Variants in AGBL4 observed in about 807,000 individuals in gnomAD.
AGBL4 encodes the protein cytosolic carboxypeptidase 6.
A neutral mutation model predicts 66.4 loss-of-function variants in AGBL4; 58 were observed. That is an observed-to-expected ratio of 0.87 (90% CI 0.71 to 1.09). The LOEUF (loss-of-function observed/expected upper bound fraction) is 1.09, where lower values mean the gene tolerates loss of function less well. AGBL4 is among the 50% of genes least tolerant of loss of function. The pLI, the probability that AGBL4 is intolerant of heterozygous loss-of-function variation, is 0.00. For synonymous variants in AGBL4, 234 were observed against 222.9 expected (o/e 1.05, Z -0.44); for missense variants, 579 against 631.0 (o/e 0.92, Z 0.88).
rs140719025 is a variant in AGBL4, at chr1:49,499,605, A to G, written c.282+197708T>C. ...TTAGTTCCCACTTATAAGTGAGAAC[A>G]TATGATATCTGGTTTTCCATTATTT... On this transcript the variant is annotated intron_variant, in intron 3 of 13. Transcript: ENST00000371839. 8.6e-3 allele frequency among the ~76,000 whole-genome samples: 1,301 copies of G among 151,896 alleles called. 23 individuals are homozygous for G. Among genetic ancestry groups the G allele is most frequent in the Middle Eastern group, 0.034 (10 of 294 alleles).
chr1:48,891,374 A>G (rs1296855885), intron 5 of AGBL4, among the ~76,000 whole-genome samples: 2 of 152,188 alleles, frequency 1.3e-5, no homozygotes, highest in African/African-American at 2.4e-5. Context: ...AAAAATGACA[A>G]GAACCCAGTC....
chr1:48,754,462 A>C (rs147063155), intron 6 of AGBL4, among the ~76,000 whole-genome samples: 12 of 152,340 alleles, frequency 7.9e-5, no homozygotes, highest in Non-Finnish European at 1.6e-4. Context: ...GAATAAAATA[A>C]ATAATGAATG....
chr1:49,628,823 C>T (rs752980071), intron 3 of AGBL4, among the ~76,000 whole-genome samples: 17 of 152,166 alleles, frequency 1.1e-4, no homozygotes, highest in Non-Finnish European at 2.2e-4. Flanking sequence ...TACTGACCCT[C>T]TTCTCTCAAA....
At chr1:49,863,168 G>A (rs543116415) in intron 1 of AGBL4, among the ~76,000 whole-genome samples, 2 of 152,188 alleles carry the variant, frequency 1.3e-5, no homozygotes, top group African/African-American at 4.8e-5. Flanking sequence ...TGACAAAGGT[G>A]CCAAGAACAT....
At chr1:49,566,974 G>A (rs901296839) in intron 3 of AGBL4, among the ~76,000 whole-genome samples, 2 of 152,166 alleles carry the variant, frequency 1.3e-5, no homozygotes, top group African/African-American at 4.8e-5. Flanking sequence ...CGGCTGCTTT[G>A]TTTACCTACT....
chr1:49,856,479 C>T (rs1180202701), intron 1 of AGBL4, among the ~76,000 whole-genome samples: 1 of 151,940 alleles, frequency 6.6e-6, no homozygotes, highest in East Asian at 1.9e-4. Flanking sequence ...AAATTATCAA[C>T]AAAATATTAG....
intron 2 of AGBL4, among the ~76,000 whole-genome samples, chr1:49,710,682 A>C (rs1231082153): frequency 1.3e-5 from 2 of 151,762 alleles, no homozygotes; most frequent in African/African-American, 4.8e-5. Context: ...GATTTCTTAG[A>C]AAGAACATAA....
chr1:48,646,188 C>T (rs1212980347), intron 8 of AGBL4, among the ~76,000 whole-genome samples: 1 of 152,034 alleles, frequency 6.6e-6, no homozygotes, highest in Middle Eastern at 3.2e-3. Flanking sequence ...GGGGGCATGG[C>T]CTGGATCGGG....
chr1:49,285,065 T>C (rs1431945581), intron 3 of AGBL4, among the ~76,000 whole-genome samples: 4 of 152,032 alleles, frequency 2.6e-5, no homozygotes, highest in Non-Finnish European at 5.9e-5. Flanking sequence ...ATCAACAGAA[T>C]ATACATTTTT....
At chr1:48,965,693 G>A (rs1658363226) in intron 5 of AGBL4, among the ~76,000 whole-genome samples, 1 of 152,130 alleles carries the variant, frequency 6.6e-6, no homozygotes, top group Non-Finnish European at 1.5e-5. Flanking sequence ...GCAGTCCATG[G>A]ACATAGGCAG....
At chr1:49,770,174 C>T (rs921342015) in intron 2 of AGBL4, among the ~76,000 whole-genome samples, 1 of 151,898 alleles carries the variant, frequency 6.6e-6, no homozygotes, top group African/African-American at 2.4e-5. Context: ...TCTGTATGGC[C>T]GTTATCGTGA....
At chr1:49,711,717 G>A (rs1409108850) in intron 2 of AGBL4, among the ~76,000 whole-genome samples, 2 of 151,924 alleles carry the variant, frequency 1.3e-5, no homozygotes, top group Non-Finnish European at 2.9e-5. Flanking sequence ...GTTTAATGTT[G>A]TTCAGTTACA....
intron 6 of AGBL4, among the ~76,000 whole-genome samples, chr1:48,820,632 T>C (rs898433562): frequency 1.3e-5 from 2 of 152,132 alleles, no homozygotes; most frequent in East Asian, 3.8e-4. Context: ...TTCCCTGCCT[T>C]CAAACTCCAA....
intron 4 of AGBL4, among the ~76,000 whole-genome samples, chr1:49,193,175 C>T (rs1647155606): frequency 6.6e-6 from 1 of 151,554 alleles, no homozygotes; most frequent in African/African-American, 2.4e-5. Context: ...TTTCATAATG[C>T]TCTGTATTTT....
rs186491112 is a variant in AGBL4, at chr1:48,821,313, A to G, written c.634+45878T>C. Among the ~76,000 whole-genome samples the G allele has an allele frequency of 1.6e-4, 25 of 152,356 alleles. No individual in the cohort carries two copies. The East Asian group carries it at 4.2e-3, about 26-fold the overall frequency. On this transcript the variant is annotated intron_variant, in intron 6 of 13. Coordinates refer to ENST00000371839, the MANE Select transcript of AGBL4 (RefSeq NM_032785.4). ...GCACTTATATTTTTATCACAGCACA[A>G]TTCACAATTGCAAAGTCATGGAATC... is the stretch of plus-strand genomic sequence containing the variant.
intron 3 of AGBL4, among the ~76,000 whole-genome samples, chr1:49,532,147 AG>A (rs1477378140): frequency 6.6e-6 from 1 of 152,104 alleles, no homozygotes; most frequent in Admixed American, 6.5e-5. Flanking sequence ...AGCTGAGCCA[AG>A]GGAACTCTAG....
intron 3 of AGBL4, among the ~76,000 whole-genome samples, chr1:49,396,366 A>ATG (rs143459610): frequency 1.3e-4 from 19 of 151,186 alleles, no homozygotes; most frequent in Middle Eastern, 3.2e-3. Flanking sequence ...GTGTGTATGA[A>ATG]TGTGTGTGTG....
intron 1 of AGBL4, among the ~76,000 whole-genome samples, chr1:49,957,856 T>C (rs1571958553): frequency 6.6e-6 from 1 of 152,246 alleles, no homozygotes; most frequent in Admixed American, 6.5e-5. Context: ...TTAGCCCATT[T>C]ACATTTAAGG....
At chr1:49,124,090 T>A (rs377172709) in intron 4 of AGBL4, among the ~76,000 whole-genome samples, 1 of 151,972 alleles carries the variant, frequency 6.6e-6, no homozygotes, top group African/African-American at 2.4e-5. Flanking sequence ...GCCTTGGAGG[T>A]GGTAAGAAGT....
Sources: gnomAD v4.1 joint callset for allele counts (sites outside exome capture counted in the v4.1 genomes callset) on GRCh38, gnomAD v4.1.1 for gene constraint, MANE v1.5 for transcripts, NCBI Gene and HGNC (gene_info 2026-07-23, HGNC 2026-07-21) for gene names.